HIVEP3: variants seen among roughly 807,000 people sequenced by gnomAD.
HIVEP3 encodes transcription factor HIVEP3.
A neutral mutation model predicts 152.8 loss-of-function variants in HIVEP3; 49 were observed. The observed-to-expected ratio is 0.32, with a 90% CI of 0.26 to 0.41. HIVEP3 has a LOEUF of 0.41. HIVEP3 is among the 10% of genes least tolerant of loss of function. The pLI, the probability that HIVEP3 is intolerant of heterozygous loss-of-function variation, is 1.00. For missense variants in HIVEP3, 2,790 were observed against 3,103.3 expected (o/e 0.90, Z 2.40); for synonymous variants, 1,269 against 1,289.0 (o/e 0.98, Z 0.33).
chr1:41,903,787 A>G lies in HIVEP3; in HGVS notation c.-801+14626T>C, dbSNP rs555121639. Among the ~76,000 whole-genome samples, 167 of 15,642 alleles carry G rather than the reference A, an allele frequency of 0.011. 4 individuals carry two copies. The South Asian group carries it at 0.17, about 16-fold the overall frequency. 10.3% of individuals were successfully genotyped at this position (15,642 alleles called of 152,430 possible). On this transcript the variant is annotated intron_variant, in intron 1 of 8. Transcript: ENST00000372583. ...CAGAGTACACACATGCTTGCCTCTT[A>G]AAAGAGTATTGGGTCAGCAAGGATG...
chr1:41,832,487 T>C (rs181803909), intron 1 of HIVEP3, among the ~76,000 whole-genome samples: 38 of 152,292 alleles, frequency 2.5e-4, no homozygotes, highest in Non-Finnish European at 5.1e-4. Context: ...GCCAAGATCA[T>C]GCCACTGCAC....
intron 5 of HIVEP3, among the ~76,000 whole-genome samples, chr1:41,552,971 G>A (rs970603892): frequency 3.3e-5 from 5 of 152,294 alleles, no homozygotes; most frequent in African/African-American, 9.6e-5. Context: ...GAATGTATAT[G>A]CTGTTGATTT....
intron 1 of HIVEP3, among the ~76,000 whole-genome samples, chr1:41,952,849 A>T (rs1425488958): frequency 3.3e-5 from 5 of 152,216 alleles, no homozygotes; most frequent in African/African-American, 4.8e-5. Context: ...TTAAATGATG[A>T]TCATCTTTTT....
chr1:41,586,962 T>A (rs914002543), intron 3 of HIVEP3, among the ~76,000 whole-genome samples: 4 of 152,062 alleles, frequency 2.6e-5, no homozygotes, highest in Non-Finnish European at 5.9e-5. Context: ...ATTGGTGGGA[T>A]AAAAAGAGTA....
chr1:41,744,022 T>C (rs1647033558), intron 1 of HIVEP3, among the ~76,000 whole-genome samples: 2 of 151,812 alleles, frequency 1.3e-5, no homozygotes, highest in Admixed American at 1.3e-4. Flanking sequence ...CTGACTTGAG[T>C]TCAGAAGCCA....
rs687766 is a variant in HIVEP3, at chr1:41,533,178, C to G, written c.5208-8268G>C. Among the ~76,000 whole-genome samples, 81,450 of 151,892 alleles carry G rather than the reference C, an allele frequency of 0.54. 22,594 individuals are homozygous for G. The highest frequency in any genetic ancestry group is 0.98 in the East Asian group (5,080 of 5,164). On this transcript the variant is annotated intron_variant, in intron 5 of 8. Coordinates refer to ENST00000372583, the MANE Select transcript of HIVEP3 (RefSeq NM_024503.5). The surrounding 1 kb of genome is among the most constrained non-coding windows in gnomAD (Gnocchi z 4.3). Reference sequence around the variant, plus strand: ...AAGGCCAGGACCGAGGCTTGTCCAGCTTTGAGGTTCCCAGAGGGTCCAGCC... The same window carrying G: ...AAGGCCAGGACCGAGGCTTGTCCAGGTTTGAGGTTCCCAGAGGGTCCAGCC...
At chr1:41,562,841 T>C (rs1232640365) in intron 5 of HIVEP3, among the ~76,000 whole-genome samples, 1 of 152,000 alleles carries the variant, frequency 6.6e-6, no homozygotes. Context: ...CCTCTGCAGG[T>C]TGGGGTGGAG....
intron 1 of HIVEP3, among the ~76,000 whole-genome samples, chr1:41,725,703 C>T (rs774123494): frequency 1.3e-5 from 2 of 152,196 alleles, no homozygotes; most frequent in Non-Finnish European, 2.9e-5. Context: ...AAAAGACAGG[C>T]AGGCACTATC....
chr1:41,711,808 A>G (rs1478993829), intron 1 of HIVEP3, among the ~76,000 whole-genome samples: 1 of 152,130 alleles, frequency 6.6e-6, no homozygotes, highest in Admixed American at 6.5e-5. Flanking sequence ...CACACTCGGC[A>G]CACTGGAGAT....
At chr1:41,656,762 A>G (rs1278214637) in intron 2 of HIVEP3, among the ~76,000 whole-genome samples, 1 of 152,244 alleles carries the variant, frequency 6.6e-6, no homozygotes, top group Admixed American at 6.5e-5. Context: ...AAGAAAATGA[A>G]ACACAGAGAA....
chr1:41,785,794 C>T (rs1196036268), intron 1 of HIVEP3, among the ~76,000 whole-genome samples: 1 of 152,170 alleles, frequency 6.6e-6, no homozygotes, highest in Non-Finnish European at 1.5e-5. Context: ...GTCAGGAGTT[C>T]AAGACCAGCC....
At chr1:41,614,713 T>C (rs984767962) in intron 3 of HIVEP3, among the ~76,000 whole-genome samples, 1 of 152,138 alleles carries the variant, frequency 6.6e-6, no homozygotes, top group Admixed American at 6.5e-5. Flanking sequence ...TGGAAGAAGA[T>C]GGGTAAGTCA....
intron 1 of HIVEP3, among the ~76,000 whole-genome samples, chr1:41,900,533 C>A (rs746292793): frequency 6.6e-6 from 1 of 152,054 alleles, no homozygotes; most frequent in Non-Finnish European, 1.5e-5. Context: ...CAACGTACCC[C>A]CTTATTGCCT....
chr1:41,711,074 T>TA (rs1337731097), intron 1 of HIVEP3, among the ~76,000 whole-genome samples: 1 of 152,256 alleles, frequency 6.6e-6, no homozygotes, highest in Non-Finnish European at 1.5e-5. Flanking sequence ...GCTGCGGGCC[T>TA]AGACTGCAGT....
intron 1 of HIVEP3, among the ~76,000 whole-genome samples, chr1:41,995,071 G>T (rs1351708246): frequency 6.6e-6 from 1 of 151,908 alleles, no homozygotes; most frequent in Non-Finnish European, 1.5e-5. Flanking sequence ...GTATAAGAAG[G>T]GTGAGAGAAT....
At chr1:41,626,242 T>C (rs1002005539) in intron 3 of HIVEP3, among the ~76,000 whole-genome samples, 4 of 152,208 alleles carry the variant, frequency 2.6e-5, no homozygotes, top group African/African-American at 9.6e-5. Flanking sequence ...TCGGATGCCA[T>C]ATATCCCAGC....
At chr1:41,640,717 C>T (rs934131764) in intron 2 of HIVEP3, among the ~76,000 whole-genome samples, 3 of 152,234 alleles carry the variant, frequency 2.0e-5, no homozygotes, top group African/African-American at 7.2e-5. Flanking sequence ...GAGGAAGAAC[C>T]CAACATTTGT....
chr1:41,809,119 T>C (rs1439945529), intron 1 of HIVEP3, among the ~76,000 whole-genome samples: 2 of 152,094 alleles, frequency 1.3e-5, no homozygotes, highest in African/African-American at 4.8e-5. Context: ...GTAACACAAT[T>C]TGGGGTTCAG....
intron 1 of HIVEP3, among the ~76,000 whole-genome samples, chr1:41,899,403 TTTTA>T (rs752495823): frequency 2.0e-5 from 3 of 152,168 alleles, no homozygotes; most frequent in Non-Finnish European, 2.9e-5. Context: ...CTGTTTTTTA[TTTTA>T]TTTATTTATT....
Sources: gnomAD v4.1 joint callset for allele counts (sites outside exome capture counted in the v4.1 genomes callset) on GRCh38, gnomAD v4.1.1 for gene constraint, Gnocchi (gnomAD v3.1) non-coding constraint, MANE v1.5 for transcripts, NCBI Gene and HGNC (gene_info 2026-07-23, HGNC 2026-07-21) for gene names.